The following TERF1 variants were observed in gnomAD, a reference collection of about 807,000 sequenced individuals.
The protein encoded by TERF1 is telomeric repeat binding factor 1, also known as telomeric repeat-binding factor 1.
Under a neutral mutation model 55.1 loss-of-function variants are expected in TERF1, and 20 were observed. The ratio of observed to expected loss-of-function variants is 0.36; its 90% CI spans 0.26 to 0.53. TERF1 has a LOEUF of 0.53. Among genes scored for constraint, TERF1 ranks in the 20% least tolerant of loss-of-function variants. The pLI, the probability that TERF1 is intolerant of heterozygous loss-of-function variation, is 0.91. For missense variants in TERF1, 439 were observed against 535.7 expected (o/e 0.82, Z 1.78); for synonymous variants, 168 against 181.2 (o/e 0.93, Z 0.59).
At position 73,037,553 on chromosome 8, in the gene TERF1, G is replaced by A. The variant is rs1183812416; in HGVS notation, c.1040-1563G>A. Among the ~76,000 whole-genome samples the A allele has an allele frequency of 5.3e-5, 5 of 95,038 alleles. No individual in the cohort carries two copies. In the East Asian group the frequency reaches 1.1e-3, roughly 20 times the overall value. The allele number at this position is 95,038 out of a possible 152,430, so 62.3% of individuals were successfully genotyped here. On this transcript the variant is annotated intron_variant, in intron 8 of 9. Transcript: ENST00000276603. Reference sequence around the variant, plus strand: ...CTTGGAACCTTGGAATAAAATATTCGGGGGGGAAAATATATATATTTTTTA... The same window carrying A: ...CTTGGAACCTTGGAATAAAATATTCAGGGGGGAAAATATATATATTTTTTA...
intron 2 of TERF1, among the ~76,000 whole-genome samples, chr8:73,017,044 G>T (rs796426798): frequency 2.0e-5 from 3 of 152,254 alleles, no homozygotes; most frequent in African/African-American, 7.2e-5. Flanking sequence ...TAGCTGTAGT[G>T]TGAGTGTTTT....
chr8:73,019,163 CAGAA>C, intron 2 of TERF1: 1 of 150,826 alleles, frequency 6.6e-6, no homozygotes, highest in East Asian at 2.0e-4. Flanking sequence ...TAGATTTTGT[CAGAA>C]AGAAAGTATA....
chr8:73,009,242 G>A, intron 1 of TERF1, 37 bp downstream of exon 1: 1 of 1,579,364 alleles, frequency 6.3e-7, no homozygotes, highest in African/African-American at 1.3e-5. Flanking sequence ...GACTACGCGG[G>A]GGGCGGATGC....
At position 73,022,126 on chromosome 8, in the gene TERF1, G is replaced by A; in HGVS notation, c.538-90G>A. On this transcript the variant is annotated intron_variant, in intron 3 of 9. Coordinates refer to ENST00000276603, the MANE Select transcript of TERF1 (RefSeq NM_017489.3). ...CTACATAAAAATGTTCTCAACAGAG[G>A]ATTTCAGACTTACCTGAGTTATCTT... 5.6e-6 allele frequency: 4 copies of A among 715,610 alleles called. No individual in the cohort carries two copies. The East Asian group carries it at 1.2e-4, about 22-fold the overall frequency. 44.3% of individuals were successfully genotyped at this position (715,610 alleles called of 1,614,324 possible).
At chr8:73,041,479 C>T (rs918883906) in intron 9 of TERF1, among the ~76,000 whole-genome samples, 3 of 152,092 alleles carry the variant, frequency 2.0e-5, no homozygotes, top group African/African-American at 2.4e-5. Flanking sequence ...AAGCCTGTGT[C>T]CTAGGCTGTG....
chr8:73,017,255 A>G (rs1399989313), intron 2 of TERF1, among the ~76,000 whole-genome samples: 1 of 152,202 alleles, frequency 6.6e-6, no homozygotes, highest in Non-Finnish European at 1.5e-5. Context: ...GAAAGCAAGC[A>G]GATGAAAAAT....
At chr8:73,030,468 A>G (rs1163105526) in intron 7 of TERF1, 73 bp downstream of exon 7, 6 of 942,544 alleles carry the variant, frequency 6.4e-6, no homozygotes, top group Non-Finnish European at 9.0e-6. Context: ...GACCTAATAA[A>G]AACTACCACA....
intron 4 of TERF1, among the ~76,000 whole-genome samples, chr8:73,024,506 C>CAGAT (rs1291688452): frequency 6.6e-6 from 1 of 152,084 alleles, no homozygotes; most frequent in Non-Finnish European, 1.5e-5. Flanking sequence ...GGAATACAAT[C>CAGAT]AGATTATGGT....
chr8:73,037,831 TA>T (rs1238130466), intron 8 of TERF1, among the ~76,000 whole-genome samples: 1 of 91,190 alleles, frequency 1.1e-5, no homozygotes, highest in East Asian at 2.6e-4. Context: ...ATATATAGTA[TA>T]ATAATATATA....
At chr8:73,032,262 T>C (rs1305767719) in intron 8 of TERF1, 129 bp downstream of exon 8, 5 of 618,008 alleles carry the variant, frequency 8.1e-6, no homozygotes, top group Non-Finnish European at 1.4e-5. Flanking sequence ...CTTGACTTCA[T>C]AGAGTTAATT....
At chr8:73,026,593 G>A (rs1041958582) in intron 5 of TERF1, among the ~76,000 whole-genome samples, 2 of 151,232 alleles carry the variant, frequency 1.3e-5, no homozygotes. Flanking sequence ...GGAGCATCTT[G>A]ATTGATTTGA....
At chr8:73,041,675 A>T (rs1809837367) in intron 9 of TERF1, among the ~76,000 whole-genome samples, 1 of 152,188 alleles carries the variant, frequency 6.6e-6, no homozygotes, top group African/African-American at 2.4e-5. Context: ...TTCCTCATTT[A>T]TTTTGAAATG....
At chr8:73,024,801 T>C in intron 4 of TERF1, 21 bp from the exon 5 acceptor site, 2 of 1,511,254 alleles carry the variant, frequency 1.3e-6, no homozygotes, top group Non-Finnish European at 1.8e-6. Context: ...TATGTTAATA[T>C]ATTTCTTCTG....
rs556414518 is a variant in TERF1 at position 73,022,820 on chromosome 8, A to G, written c.624+518A>G. Among the ~76,000 whole-genome samples the G allele has an allele frequency of 6.6e-5, 10 of 152,106 alleles. No homozygotes were observed. In the East Asian group the frequency reaches 1.5e-3, roughly 24 times the overall value. ...AAAATTAGCCAGGTGTGGTGGCGCAATACTGTAGTCCTGAGGTGGGAAGAT... is the reference window on the plus strand; with the variant it reads ...AAAATTAGCCAGGTGTGGTGGCGCAGTACTGTAGTCCTGAGGTGGGAAGAT... On this transcript the variant is annotated intron_variant, in intron 4 of 9. Transcript: ENST00000276603.
In TERF1 at chr8:73,038,321, G is replaced by T. The variant is rs574463949; in HGVS notation, c.1040-795G>T. Among the ~76,000 whole-genome samples, 51 of 152,066 alleles carry T rather than the reference G, an allele frequency of 3.4e-4. No individual in the cohort carries two copies. The South Asian group carries it at 7.1e-3, about 21-fold the overall frequency. ...TTTAAAAAATTAGTCGGGCATGGCG[G>T]CCGGTGCCTCTAGTACCAGCTACTC... is the stretch of plus-strand genomic sequence containing the variant. On this transcript the variant is annotated intron_variant, in intron 8 of 9. Transcript: ENST00000276603.
At chr8:73,017,780 G>A (rs776684497) in intron 2 of TERF1, among the ~76,000 whole-genome samples, 7 of 149,884 alleles carry the variant, frequency 4.7e-5, no homozygotes, top group Non-Finnish European at 8.9e-5. Context: ...TTGGCTCACT[G>A]CAACCTCCGC....
intron 2 of TERF1, among the ~76,000 whole-genome samples, chr8:73,016,807 C>T (rs1392948551): frequency 1.3e-5 from 2 of 152,144 alleles, no homozygotes; most frequent in African/African-American, 2.4e-5. Context: ...TTCCAGTCGA[C>T]GTGCCAGCCC....
intron 2 of TERF1, among the ~76,000 whole-genome samples, chr8:73,018,272 A>G (rs1048322678): frequency 6.6e-6 from 1 of 152,348 alleles, no homozygotes; most frequent in Admixed American, 6.5e-5. Flanking sequence ...TGTTGGAAAA[A>G]CAATTTGGAG....
At chr8:73,018,711 C>T (rs1016014361) in intron 2 of TERF1, among the ~76,000 whole-genome samples, 2 of 152,110 alleles carry the variant, frequency 1.3e-5, no homozygotes, top group African/African-American at 4.8e-5. Flanking sequence ...ATAAAAAATT[C>T]TCTTTATTAT....
Sources: allele counts gnomAD v4.1 joint callset (sites outside exome capture counted in the v4.1 genomes callset), GRCh38; gene constraint gnomAD v4.1.1; transcripts MANE v1.5; gene names NCBI Gene and HGNC (gene_info 2026-07-23, HGNC 2026-07-21).